The following FAM53B variants were observed in gnomAD, a reference collection of about 807,000 sequenced individuals.
FAM53B encodes protein FAM53B.
Under a neutral mutation model 32.7 loss-of-function variants are expected in FAM53B, and 12 were observed. The observed-to-expected ratio is 0.37, with a 90% confidence interval of 0.24 to 0.59. The LOEUF is 0.59. Among genes scored for constraint, FAM53B ranks in the 20% least tolerant of loss-of-function variants. The pLI is 0.72. For synonymous variants in FAM53B, 234 were observed against 228.7 expected (o/e 1.02, Z -0.21); for missense variants, 477 against 577.7 (o/e 0.83, Z 1.79).
At chr10:124,718,424 C>A (rs1950049679) in intron 1 of FAM53B, among the ~76,000 whole-genome samples, 1 of 152,148 alleles carries the variant, frequency 6.6e-6, no homozygotes, top group African/African-American at 2.4e-5. Context: ...CCACATCGCG[C>A]TGCAAGCTCC....
chr10:124,623,605 C>G lies in FAM53B; in HGVS notation c.907-1G>C. The G allele has an allele frequency of 6.2e-7, 1 of 1,608,512 alleles. No homozygotes were observed. The highest frequency in any genetic ancestry group is 8.5e-7 in the Non-Finnish European group (1 of 1,179,182). On this transcript the variant is annotated splice_acceptor_variant, in intron 4 of 4. Coordinates refer to ENST00000337318, the MANE Select transcript of FAM53B (RefSeq NM_014661.4). LOFTEE classifies it high-confidence loss of function. The stretch of plus-strand genomic sequence containing the variant: ...TGAGGCTGCTGAAGGTCTGACAGTT[C>G]TGTGGAGGGGCAGACACACAGGTTA...
Position 124,692,714 on chromosome 10 carries a change from CAAAAAAAAAAAA to C in FAM53B, c.133+3432_133+3443del, listed in dbSNP as rs5788679. On this transcript the variant is annotated intron_variant, in intron 3 of 4. Coordinates refer to ENST00000337318, the MANE Select transcript of FAM53B (RefSeq NM_014661.4). ...TAGGAGACAGAGCGATACTCCATCT[CAAAAAAAAAAAA>C]AAAAAAAAAAAAAGGCATTGTTGTG... Among the ~76,000 whole-genome samples, 47 of 69,062 alleles carry C rather than the reference CAAAAAAAAAAAA, an allele frequency of 6.8e-4. 1 individual carries two copies. The South Asian group carries it at 0.013, about 19-fold the overall frequency. The allele number at this position is 69,062 out of a possible 152,430, so 45.3% of individuals were successfully genotyped here. A position where few individuals can be genotyped will look rare whatever the true frequency, so the allele number is the denominator to read the frequency against.
intron 3 of FAM53B, among the ~76,000 whole-genome samples, chr10:124,694,763 C>T (rs1949858136): frequency 6.6e-6 from 1 of 152,210 alleles, no homozygotes; most frequent in Non-Finnish European, 1.5e-5. Flanking sequence ...GTATTCAATC[C>T]TGTGGGGACG....
intron 1 of FAM53B, among the ~76,000 whole-genome samples, chr10:124,730,673 G>C (rs565245789): frequency 2.0e-5 from 3 of 152,286 alleles, no homozygotes; most frequent in East Asian, 1.9e-4. Context: ...GCTGTCCAAC[G>C]TGAGAGGTGA....
chr10:124,697,748 C>A (rs149966730), intron 2 of FAM53B, among the ~76,000 whole-genome samples: 6 of 152,154 alleles, frequency 3.9e-5, no homozygotes, highest in African/African-American at 9.6e-5. Context: ...GCTTCTAGGG[C>A]GGAAGGGGAA....
chr10:124,646,221 C>T (rs186240809), intron 4 of FAM53B, among the ~76,000 whole-genome samples: 210 of 152,364 alleles, frequency 1.4e-3, no homozygotes, highest in African/African-American at 4.8e-3. Context: ...TGTCACTCCA[C>T]ATCACAGCGT....
chr10:124,723,833 T>C (rs893677793), intron 1 of FAM53B, among the ~76,000 whole-genome samples: 3 of 152,184 alleles, frequency 2.0e-5, no homozygotes, highest in Non-Finnish European at 4.4e-5. Context: ...TATATACACA[T>C]GTGACGCTGC....
At chr10:124,665,525 G>A (rs1949664368) in intron 4 of FAM53B, among the ~76,000 whole-genome samples, 1 of 152,212 alleles carries the variant, frequency 6.6e-6, no homozygotes, top group Non-Finnish European at 1.5e-5. Context: ...CGTGCCCCTC[G>A]CTTCCTACTC....
chr10:124,672,363 G>A (rs1396981648), intron 4 of FAM53B, among the ~76,000 whole-genome samples: 2 of 152,386 alleles, frequency 1.3e-5, no homozygotes, highest in African/African-American at 4.8e-5. Context: ...CTTCCCACGA[G>A]GCGTTCTCCT....
chr10:124,640,569 C>T (rs1326751213), intron 4 of FAM53B, among the ~76,000 whole-genome samples: 1 of 152,240 alleles, frequency 6.6e-6, no homozygotes, highest in African/African-American at 2.4e-5. Context: ...GGAACAAAGG[C>T]AGGGCATTTC....
intron 1 of FAM53B, among the ~76,000 whole-genome samples, chr10:124,725,316 G>A (rs1950094750): frequency 6.6e-6 from 1 of 152,214 alleles, no homozygotes; most frequent in African/African-American, 2.4e-5. Flanking sequence ...GGGTCCCAGG[G>A]TCTCTCACCT....
At chr10:124,670,642 C>T (rs1302894906) in intron 4 of FAM53B, among the ~76,000 whole-genome samples, 1 of 152,218 alleles carries the variant, frequency 6.6e-6, no homozygotes, top group African/African-American at 2.4e-5. Flanking sequence ...GGCTTGCCTT[C>T]CCTCTACTCA....
At chr10:124,656,533 T>C (rs560296471) in intron 4 of FAM53B, among the ~76,000 whole-genome samples, 83 of 152,282 alleles carry the variant, frequency 5.5e-4, no homozygotes, top group African/African-American at 2.0e-3. Flanking sequence ...CACAGACCAA[T>C]ATTGGAAACG....
At chr10:124,680,667 T>A (rs1949763994) in intron 4 of FAM53B, among the ~76,000 whole-genome samples, 1 of 152,184 alleles carries the variant, frequency 6.6e-6, no homozygotes, top group Admixed American at 6.5e-5. Flanking sequence ...GAAACCATCT[T>A]CGTCAACAAG....
intron 1 of FAM53B, among the ~76,000 whole-genome samples, chr10:124,730,690 C>G (rs1214784243): frequency 1.3e-5 from 2 of 152,200 alleles, no homozygotes; most frequent in Non-Finnish European, 2.9e-5. Flanking sequence ...GTGACCACCG[C>G]ATGCAGCTAT....
intron 4 of FAM53B, among the ~76,000 whole-genome samples, chr10:124,633,206 A>G (rs770634163): frequency 5.9e-5 from 9 of 151,796 alleles, no homozygotes; most frequent in South Asian, 4.2e-4. Context: ...AAAAGATAAA[A>G]TACCCAGGAA....
chr10:124,680,866 T>C (rs1949765934), intron 4 of FAM53B, among the ~76,000 whole-genome samples: 1 of 152,054 alleles, frequency 6.6e-6, no homozygotes, highest in South Asian at 2.1e-4. Flanking sequence ...CACTTCCTCA[T>C]CCCCAGCCAG....
intron 4 of FAM53B, among the ~76,000 whole-genome samples, chr10:124,634,425 C>G (rs1464806983): frequency 6.6e-6 from 1 of 152,212 alleles, no homozygotes; most frequent in Admixed American, 6.5e-5. Flanking sequence ...ATAATCCCCA[C>G]GTTTCGTGGG....
chr10:124,682,253 C>A lies in FAM53B; in HGVS notation c.260G>T (p.Cys87Phe). 6.2e-7 allele frequency: 1 copy of A among 1,614,072 alleles called. No homozygotes were observed. Among genetic ancestry groups the A allele is most frequent in the Non-Finnish European group, 8.5e-7 (1 of 1,179,994 alleles). The change falls in exon 4 of 5, where the codon TGC becomes TTC. Residue 87 changes from cysteine to phenylalanine, a missense_variant. This residue lies in a region of FAM53B where 312 missense variants were observed against 420.2 expected (regional missense o/e 0.74). Transcript: ENST00000337318. The surrounding 1 kb of genome is among the most constrained non-coding windows in gnomAD (Gnocchi z 5.2). ...SLWHREAVTA[C>F]AVTSLIKDLS... ...GTCTTTGATCAGACTGGTCACAGCG[C>A]AGGCGGTCACTGCCTCCCGGTGCCA...
Sources: gnomAD v4.1 joint callset for allele counts (sites outside exome capture counted in the v4.1 genomes callset) on GRCh38, gnomAD v4.1.1 for gene constraint, gnomAD v4.1.1 regional missense constraint, Gnocchi (gnomAD v3.1) non-coding constraint, MANE v1.5 for transcripts, NCBI Gene and HGNC (gene_info 2026-07-23, HGNC 2026-07-21) for gene names.